ERMARD: variants seen among roughly 807,000 people sequenced by gnomAD.
The protein encoded by ERMARD is endoplasmic reticulum membrane-associated RNA degradation protein.
A neutral mutation model predicts 83.9 loss-of-function variants in ERMARD; 71 were observed. The observed-to-expected ratio is 0.85, with a 90% CI of 0.70 to 1.03. ERMARD has a LOEUF of 1.03. ERMARD is among the 50% of genes least tolerant of loss of function. The probability of loss-of-function intolerance (pLI) is 0.00; values close to 1 mark genes in which losing one functional copy is unlikely to be tolerated. For synonymous variants in ERMARD, 284 were observed against 298.6 expected (o/e 0.95, Z 0.50); for missense variants, 838 against 810.9 (o/e 1.03, Z -0.41).
chr6:169,776,142 G>A, intron 15 of ERMARD, 77 bp downstream of exon 15: 1 of 1,584,304 alleles, frequency 6.3e-7, no homozygotes, highest in Non-Finnish European at 8.6e-7. Context: ...CATTTTCTAT[G>A]TTTTAGATTT....
At chr6:169,760,459 A>G (rs1267557372) in intron 7 of ERMARD, among the ~76,000 whole-genome samples, 183 bp from the exon 8 acceptor site, 1 of 152,108 alleles carries the variant, frequency 6.6e-6, no homozygotes, top group Non-Finnish European at 1.5e-5. Flanking sequence ...CCACTTTCCA[A>G]GGGTCACCTG....
Position 169,779,196 on chromosome 6 carries a change from C to T in ERMARD, c.1754C>T (p.Ser585Phe). Reference protein sequence around the residue: ...LRMWSSIRLLSPVLSLILLLI... With the variant: ...LRMWSSIRLLFPVLSLILLLI... Reference sequence around the variant, plus strand: ...TCTGTTTTTAGTATCAGACTACTGTCCCCTGTGCTCAGCCTGATACTGTTA... The same window carrying T: ...TCTGTTTTTAGTATCAGACTACTGTTCCCTGTGCTCAGCCTGATACTGTTA... Residue 585 changes from serine (S) to phenylalanine (F), a missense_variant, in exon 17 of 18, where the codon TCC (serine) becomes TTC (phenylalanine). By Grantham distance (155) the Ser-to-Phe change is radical. Coordinates refer to ENST00000366773, the MANE Select transcript of ERMARD (RefSeq NM_018341.3). 2 of 1,614,032 alleles carry T rather than the reference C, an allele frequency of 1.2e-6. No homozygotes were observed. The highest frequency in any genetic ancestry group is 1.3e-5 in the African/African-American group (1 of 75,054).
intron 13 of ERMARD, 108 bp downstream of exon 13, chr6:169,773,510 T>A: frequency 9.1e-7 from 1 of 1,099,990 alleles, no homozygotes; most frequent in Non-Finnish European, 1.4e-6. Flanking sequence ...AGACTTTGAG[T>A]TGGGCAGATC....
At chr6:169,779,806 C>A (rs563551937) in intron 17 of ERMARD, among the ~76,000 whole-genome samples, 3 of 152,116 alleles carry the variant, frequency 2.0e-5, no homozygotes, top group Non-Finnish European at 4.4e-5. Flanking sequence ...AAATTGTTTC[C>A]AATTCGGGAA....
rs780982920 is a variant in ERMARD, at chr6:169,760,658, G to A, written c.759G>A (p.Val253=). The A allele has an allele frequency of 3.6e-5, 58 of 1,606,002 alleles. 1 individual carries two copies. The highest frequency in any genetic ancestry group is 6.0e-6 in the Non-Finnish European group (7 of 1,173,214). ...ATTTTACAGATGTTACTTATGAGGT[G>A]CTTTCAGTATTAGAAGAAGTGATGA... The part of the protein sequence containing the change: ...LIVFPDVTYE[V]LSVLEEVMMK... The change falls in exon 8 of 18, where the codon GTG becomes GTA. Residue 253 remains valine, a synonymous_variant. Coordinates refer to ENST00000366773, the MANE Select transcript of ERMARD (RefSeq NM_018341.3).
At chr6:169,780,829 G>T (rs1794122813) in intron 17 of ERMARD, among the ~76,000 whole-genome samples, 1 of 152,122 alleles carries the variant, frequency 6.6e-6, no homozygotes, top group African/African-American at 2.4e-5. Flanking sequence ...TGAAATTACA[G>T]TGCTCTTGGT....
At chr6:169,755,654 G>C (rs771335112) in intron 3 of ERMARD, 1 of 490,278 alleles carries the variant, frequency 2.0e-6, no homozygotes, top group East Asian at 3.6e-5. Flanking sequence ...AGGATTAGGG[G>C]TTGGAGAGCT....
In ERMARD at chr6:169,774,664, C is replaced by T. The variant is rs1793372881; in HGVS notation, c.1318-606C>T. Among the ~76,000 whole-genome samples, 4 of 152,242 alleles carry T rather than the reference C, an allele frequency of 2.6e-5. No individual in the cohort carries two copies. The South Asian group carries it at 8.3e-4, about 32-fold the overall frequency. On this transcript the variant is annotated intron_variant, in intron 13 of 17. Coordinates refer to ENST00000366773, the MANE Select transcript of ERMARD (RefSeq NM_018341.3). ...TGATACCACCCACGCTCACTGGTGTCAGCAGCCACCGTTGTACTTGCTCAT... is the reference window on the plus strand; with the variant it reads ...TGATACCACCCACGCTCACTGGTGTTAGCAGCCACCGTTGTACTTGCTCAT...
intron 16 of ERMARD, among the ~76,000 whole-genome samples, chr6:169,778,905 C>T (rs1352327525): frequency 3.3e-5 from 5 of 152,198 alleles, no homozygotes; most frequent in Non-Finnish European, 7.3e-5. Context: ...CGTGCATGGC[C>T]CCTGGCAGCC....
intron 9 of ERMARD, among the ~76,000 whole-genome samples, chr6:169,766,068 C>G (rs1464595352): frequency 6.6e-6 from 1 of 151,948 alleles, no homozygotes. Context: ...TCCCCAAAAG[C>G]CTTTTGAGAT....
chr6:169,771,108 G>T, intron 12 of ERMARD: 1 of 148,568 alleles, frequency 6.7e-6, no homozygotes, highest in African/African-American at 2.5e-5. Flanking sequence ...TATTGAGACG[G>T]AGTCTTGCTC....
At chr6:169,780,857 GA>G (rs72295628) in intron 17 of ERMARD, among the ~76,000 whole-genome samples, 7 of 150,188 alleles carry the variant, frequency 4.7e-5, no homozygotes, top group Non-Finnish European at 7.4e-5. Context: ...ATCAATGTGG[GA>G]AAAAAAAACA....
intron 2 of ERMARD, among the ~76,000 whole-genome samples, chr6:169,755,041 T>C (rs1386675476): frequency 1.3e-5 from 2 of 152,250 alleles, no homozygotes; most frequent in African/African-American, 4.8e-5. Context: ...AGTTTTCTCT[T>C]GTTTGAAACT....
At chr6:169,772,557 G>A (rs1793080429) in intron 12 of ERMARD, among the ~76,000 whole-genome samples, 1 of 152,054 alleles carries the variant, frequency 6.6e-6, no homozygotes, top group Non-Finnish European at 1.5e-5. Flanking sequence ...CCTGAGGTCA[G>A]GAGTTCGAGA....
chr6:169,772,532 G>A (rs889458332), intron 12 of ERMARD, among the ~76,000 whole-genome samples: 9 of 152,202 alleles, frequency 5.9e-5, no homozygotes, highest in African/African-American at 1.9e-4. Context: ...TTGGGAGGCC[G>A]AGGCAGATGG....
chr6:169,751,607 C>G, upstream of ERMARD: 1 of 1,586,742 alleles, frequency 6.3e-7, no homozygotes, highest in Non-Finnish European at 8.6e-7. Flanking sequence ...GGAGGAGGGG[C>G]GCGCAGGCGC....
chr6:169,780,317 G>C (rs1794062035), intron 17 of ERMARD, among the ~76,000 whole-genome samples: 1 of 152,156 alleles, frequency 6.6e-6, no homozygotes, highest in African/African-American at 2.4e-5. Flanking sequence ...GACATTGCCA[G>C]ATATCCCCTG....
chr6:169,752,670 G>T (rs1790283928), intron 1 of ERMARD, among the ~76,000 whole-genome samples: 1 of 152,166 alleles, frequency 6.6e-6, no homozygotes, highest in South Asian at 2.1e-4. Context: ...AATTATGACT[G>T]TCACAACACA....
At position 169,776,020 on chromosome 6, in the gene ERMARD, A is replaced by C. The variant is rs1157144191; in HGVS notation, c.1475A>C (p.Glu492Ala). The part of the protein sequence containing the change: ...MTDELYHHMP[E>A]NRCVLKDLDR... ...GATGAGCTGTATCACCATATGCCTG[A>C]GAATCGTTGTGTGTTAAAGGACTTG... is the stretch of plus-strand genomic sequence containing the variant. Residue 492 changes from glutamate to alanine, a missense_variant, in exon 15 of 18, where the codon GAG (glutamate) becomes GCG (alanine). Transcript: ENST00000366773. The C allele has an allele frequency of 6.2e-7, 1 of 1,614,204 alleles. No individual in the cohort carries two copies. The highest frequency in any genetic ancestry group is 1.1e-5 in the South Asian group (1 of 91,062).
Sources: gnomAD v4.1 joint callset for allele counts (sites outside exome capture counted in the v4.1 genomes callset) on GRCh38, gnomAD v4.1.1 for gene constraint, MANE v1.5 for transcripts, NCBI Gene and HGNC (gene_info 2026-07-23, HGNC 2026-07-21) for gene names.